ADARB2: variants seen among roughly 807,000 people sequenced by gnomAD.
ADARB2 encodes adenosine deaminase RNA specific B2 (inactive), also known as inactive double-stranded RNA-specific editase B2.
A neutral mutation model predicts 62.2 loss-of-function variants in ADARB2; 25 were observed. That is an observed-to-expected ratio of 0.40 (90% CI 0.29 to 0.56). ADARB2 has a LOEUF of 0.56. Among genes scored for constraint, ADARB2 ranks in the 20% least tolerant of loss-of-function variants. The pLI, the probability that ADARB2 is intolerant of heterozygous loss-of-function variation, is 0.43. For missense variants in ADARB2, 1,071 were observed against 1,077.4 expected (o/e 0.99, Z 0.08); for synonymous variants, 572 against 500.8 (o/e 1.14, Z -1.90).
At chr10:1,490,157 G>A (rs987661470) in intron 1 of ADARB2, among the ~76,000 whole-genome samples, 1 of 152,194 alleles carries the variant, frequency 6.6e-6, no homozygotes, top group African/African-American at 2.4e-5. Context: ...GAAGAAGCAA[G>A]CCTAACGCCA....
At chr10:1,186,630 C>T (rs764573781) in intron 8 of ADARB2, 9 of 504,178 alleles carry the variant, frequency 1.8e-5, no homozygotes, top group Non-Finnish European at 2.8e-5. Flanking sequence ...TGGAGGCGAG[C>T]GGGGCCCCTG....
chr10:1,255,627 T>G lies in ADARB2; in HGVS notation c.1193-13328A>C, dbSNP rs773540572. Among the ~76,000 whole-genome samples the G allele has an allele frequency of 3.9e-4, 59 of 152,194 alleles. No individual in the cohort carries two copies. Among genetic ancestry groups the G allele is most frequent in the Non-Finnish European group, 6.3e-4 (43 of 68,022 alleles). ...CTGTTCCCCATCAGGGAATGGAACT[T>G]CTCCAAACCTGATGGGCTGTCGGTG... On this transcript the variant is annotated intron_variant, in intron 4 of 9. Coordinates refer to ENST00000381312, the MANE Select transcript of ADARB2 (RefSeq NM_018702.4). This position sits in a 1 kb window ranked among gnomAD's most constrained non-coding sequence, Gnocchi z 4.7.
At chr10:1,712,471 G>C (rs1006948691) in intron 1 of ADARB2, among the ~76,000 whole-genome samples, 3 of 151,878 alleles carry the variant, frequency 2.0e-5, no homozygotes, top group Admixed American at 6.6e-5. Context: ...AGGAGAGGCT[G>C]TGTGGAAGCA....
At chr10:1,705,733 G>C (rs1050241820) in intron 1 of ADARB2, among the ~76,000 whole-genome samples, 1 of 152,212 alleles carries the variant, frequency 6.6e-6, no homozygotes, top group African/African-American at 2.4e-5. Flanking sequence ...AGCGTGTGAG[G>C]CCTCTCAATA....
intron 1 of ADARB2, among the ~76,000 whole-genome samples, chr10:1,650,914 G>A (rs746576997): frequency 1.3e-5 from 2 of 152,176 alleles, no homozygotes; most frequent in South Asian, 2.1e-4. Flanking sequence ...GCTTTTCCCG[G>A]CTCATGTGAG....
At chr10:1,271,874 T>G (rs904100402) in intron 3 of ADARB2, among the ~76,000 whole-genome samples, 1 of 152,178 alleles carries the variant, frequency 6.6e-6, no homozygotes, top group East Asian at 1.9e-4. Context: ...GGCCTTGGAG[T>G]AGGGAAGCCT....
chr10:1,309,757 G>A (rs1318481992), intron 3 of ADARB2, among the ~76,000 whole-genome samples: 1 of 152,184 alleles, frequency 6.6e-6, no homozygotes, highest in African/African-American at 2.4e-5. Flanking sequence ...TTGATGGGAG[G>A]GAGGGGCTCT....
At chr10:1,482,511 T>C (rs1233180827) in intron 1 of ADARB2, among the ~76,000 whole-genome samples, 1 of 152,170 alleles carries the variant, frequency 6.6e-6, no homozygotes, top group Non-Finnish European at 1.5e-5. Context: ...AAATAGAGGT[T>C]ACCAGGAGGA....
intron 1 of ADARB2, among the ~76,000 whole-genome samples, chr10:1,548,642 T>G (rs915299973): frequency 6.6e-6 from 1 of 152,156 alleles, no homozygotes; most frequent in African/African-American, 2.4e-5. Context: ...AAGCCACAGA[T>G]GTGAATTGCC....
chr10:1,657,967 CT>C (rs1834193128), intron 1 of ADARB2, among the ~76,000 whole-genome samples: 4 of 149,390 alleles, frequency 2.7e-5, no homozygotes, highest in Admixed American at 6.6e-5. Flanking sequence ...CTGCCTCAGT[CT>C]CTCTCTATCT....
chr10:1,535,612 G>A (rs1424015993), intron 1 of ADARB2: 1 of 167,466 alleles, frequency 6.0e-6, no homozygotes, highest in East Asian at 1.9e-4. Context: ...CGCTGATGGC[G>A]AGATTCCGGG....
intron 3 of ADARB2, among the ~76,000 whole-genome samples, chr10:1,288,507 T>C (rs1199479551): frequency 1.3e-5 from 2 of 152,210 alleles, no homozygotes; most frequent in Non-Finnish European, 2.9e-5. Flanking sequence ...AGAAAACTCC[T>C]TGCCCAGCAC....
chr10:1,336,581 A>T (rs1001183578), intron 3 of ADARB2, among the ~76,000 whole-genome samples: 3 of 152,156 alleles, frequency 2.0e-5, no homozygotes, highest in Admixed American at 2.0e-4. Context: ...GACTCCTTGG[A>T]TATTTCTTCA....
intron 3 of ADARB2, among the ~76,000 whole-genome samples, chr10:1,323,490 T>C (rs1159049774): frequency 3.3e-5 from 5 of 152,176 alleles, no homozygotes; most frequent in Admixed American, 3.3e-4. Flanking sequence ...TGTATATAAA[T>C]GTTTAAGTCC....
chr10:1,353,908 A>G (rs778721914), intron 3 of ADARB2, among the ~76,000 whole-genome samples: 3 of 152,208 alleles, frequency 2.0e-5, no homozygotes, highest in South Asian at 2.1e-4. Flanking sequence ...CTCTCCTCCC[A>G]TGCCCTCTTC....
At chr10:1,261,490 G>T (rs1275333252) in intron 4 of ADARB2, among the ~76,000 whole-genome samples, 1 of 150,192 alleles carries the variant, frequency 6.7e-6, no homozygotes, top group African/African-American at 2.5e-5. Context: ...GTGGGCAAAG[G>T]ACATGAACAG....
At chr10:1,437,257 C>CACACATATAT (rs1038843124) in intron 1 of ADARB2, among the ~76,000 whole-genome samples, 7 of 151,756 alleles carry the variant, frequency 4.6e-5, no homozygotes, top group African/African-American at 1.5e-4. Flanking sequence ...TATATACACA[C>CACACATATAT]ACACACACAT....
rs1831410830 is a variant in ADARB2 at position 1,477,051 on chromosome 10, A to G, written c.101-97891T>C. ...TCCCCAGATCCCCACCTGGCCTACG[A>G]TCCAACCCCTAGAGCACCTTCACAG... On this transcript the variant is annotated intron_variant, in intron 1 of 9. Coordinates refer to ENST00000381312, the MANE Select transcript of ADARB2 (RefSeq NM_018702.4). This position sits in a 1 kb window ranked among gnomAD's most constrained non-coding sequence, Gnocchi z 4.5. Among the ~76,000 whole-genome samples the G allele has an allele frequency of 6.6e-6, 1 of 151,982 alleles. No individual in the cohort carries two copies. The highest frequency in any genetic ancestry group is 1.5e-5 in the Non-Finnish European group (1 of 68,004).
At chr10:1,320,488 G>T (rs1831785307) in intron 3 of ADARB2, among the ~76,000 whole-genome samples, 1 of 152,152 alleles carries the variant, frequency 6.6e-6, no homozygotes, top group South Asian at 2.1e-4. Flanking sequence ...CACGTCTTAG[G>T]GTATCTCCTT....
Sources: gnomAD v4.1 joint callset for allele counts (sites outside exome capture counted in the v4.1 genomes callset) on GRCh38, gnomAD v4.1.1 for gene constraint, Gnocchi (gnomAD v3.1) non-coding constraint, MANE v1.5 for transcripts, NCBI Gene and HGNC (gene_info 2026-07-23, HGNC 2026-07-21) for gene names.